Variants in BCL7C observed in about 807,000 individuals in gnomAD.
The protein encoded by BCL7C is BAF chromatin remodeling complex subunit BCL7C, also known as B-cell CLL/lymphoma 7 protein family member C.
Under a neutral mutation model 26.2 loss-of-function variants are expected in BCL7C, and 8 were observed. The observed-to-expected ratio is 0.30, with a 90% CI of 0.18 to 0.55. The LOEUF is 0.55. Among genes scored for constraint, BCL7C ranks in the 20% least tolerant of loss-of-function variants. BCL7C has a pLI of 0.93. For synonymous variants in BCL7C, 90 were observed against 116.5 expected, an observed-to-expected ratio of 0.77 and a Z score of 1.47; for missense variants, 262 against 298.5, an observed-to-expected ratio of 0.88 and a Z score of 0.90.
At chr16:30,873,231 GTTGA>G (rs57107118) in intron 5 of BCL7C, among the ~76,000 whole-genome samples, 111,413 of 151,456 alleles carry the variant, frequency 0.74, 41,495 homozygotes, top group East Asian at 0.91. Flanking sequence ...AGCTCAAGGA[GTTGA>G]TTTTGTTAAA....
downstream of BCL7C, among the ~76,000 whole-genome samples, chr16:30,883,957 CT>C (rs2143112950): frequency 6.6e-6 from 1 of 150,682 alleles, no homozygotes; most frequent in South Asian, 2.1e-4. Context: ...AACCCTGTCT[CT>C]ACTAAAAATA....
In BCL7C at chr16:30,893,423, A is replaced by G. The variant is rs2055289924; in HGVS notation, c.93-133T>C. On this transcript the variant is annotated intron_variant, in intron 1 of 5. Transcript: ENST00000215115. The surrounding 1 kb of genome is among the most constrained non-coding windows in gnomAD (Gnocchi z 5.2). ...ATAGCAACAGTTTTGCTAATGGGGC[A>G]TAGTTACATGGAGGAAGAGAGTCCT... The G allele has an allele frequency of 1.5e-6, 1 of 651,370 alleles. No homozygotes were observed. Among genetic ancestry groups the G allele is most frequent in the Non-Finnish European group, 2.7e-6 (1 of 376,824 alleles). 40.3% of individuals were successfully genotyped at this position (651,370 alleles called of 1,614,324 possible).
At chr16:30,878,948 G>C (rs1279907766) in intron 5 of BCL7C, among the ~76,000 whole-genome samples, 1 of 152,176 alleles carries the variant, frequency 6.6e-6, no homozygotes, top group African/African-American at 2.4e-5. Flanking sequence ...CGTGCTTTCA[G>C]TTGCCAGGCT....
At chr16:30,881,391 G>GTCACAC (rs2055040828) in intron 5 of BCL7C, among the ~76,000 whole-genome samples, 1 of 67,278 alleles carries the variant, frequency 1.5e-5, no homozygotes, top group African/African-American at 3.6e-5. Context: ...GTGAGACTCC[G>GTCACAC]TCACACACAC....
At position 30,879,260 on chromosome 16, in the gene BCL7C, A is replaced by G. The variant is rs2055002115; in HGVS notation, c.528+9600T>C. ...GTTCTGTTTTCCCAGATTTTTGGGG[A>G]GACTGATGCCACAGACTTCGCATTC... On this transcript the variant is annotated intron_variant, in intron 5 of 5. Transcript: ENST00000380317. Among the ~76,000 whole-genome samples the G allele has an allele frequency of 1.3e-5, 2 of 152,028 alleles. 1 individual carries two copies. The highest frequency in any genetic ancestry group is 2.9e-5 in the Non-Finnish European group (2 of 68,014).
chr16:30,838,665 T>G (rs1206471840), intron 5 of BCL7C, among the ~76,000 whole-genome samples: 1 of 152,212 alleles, frequency 6.6e-6, no homozygotes, highest in Non-Finnish European at 1.5e-5. Flanking sequence ...CAGTCACCTG[T>G]AGTCCTAGCT....
chr16:30,839,892 ATAT>A (rs2052576560), intron 5 of BCL7C, among the ~76,000 whole-genome samples: 2 of 152,202 alleles, frequency 1.3e-5, no homozygotes, highest in African/African-American at 4.8e-5. Flanking sequence ...TAGGAAACAA[ATAT>A]TATTTGTTTC....
chr16:30,854,510 G>A (rs1203644589), intron 5 of BCL7C, among the ~76,000 whole-genome samples: 3 of 152,098 alleles, frequency 2.0e-5, no homozygotes, highest in African/African-American at 7.2e-5. Flanking sequence ...GTTCTTCAAA[G>A]CGTTGAAACC....
chr16:30,893,785 G>A lies in BCL7C; in HGVS notation c.92+68C>T. On this transcript the variant is annotated intron_variant, in intron 1 of 5. Transcript: ENST00000215115. This position sits in a 1 kb window ranked among gnomAD's most constrained non-coding sequence, Gnocchi z 5.2. ...CACCCGGGGCCCAGAGCTGGCGAGG[G>A]CAGCGTAGACGCCTTTGGTGCTGGT... is the stretch of plus-strand genomic sequence containing the variant. 7.0e-7 allele frequency: 1 copy of A among 1,426,000 alleles called. No individual in the cohort carries two copies. The highest frequency in any genetic ancestry group is 1.2e-5 in the South Asian group (1 of 86,902). 88.3% of individuals were successfully genotyped at this position (1,426,000 alleles called of 1,614,324 possible).
chr16:30,888,157 G>A (rs1404883350), intron 5 of BCL7C, among the ~76,000 whole-genome samples, 167 bp from the exon 6 acceptor site: 2 of 152,296 alleles, frequency 1.3e-5, no homozygotes, highest in South Asian at 2.1e-4. Context: ...AAACAACAAC[G>A]ACAGTGACAC....
At chr16:30,835,522 T>C (rs1251065611) in intron 5 of BCL7C, among the ~76,000 whole-genome samples, 1 of 152,178 alleles carries the variant, frequency 6.6e-6, no homozygotes, top group African/African-American at 2.4e-5. Flanking sequence ...ATATGTTCAA[T>C]TGGAAAGATC....
chr16:30,853,266 T>C (rs1302655790), intron 5 of BCL7C, among the ~76,000 whole-genome samples: 1 of 152,110 alleles, frequency 6.6e-6, no homozygotes, highest in Non-Finnish European at 1.5e-5. Flanking sequence ...AAGTATATTT[T>C]TCAATATTTT....
intron 5 of BCL7C, among the ~76,000 whole-genome samples, chr16:30,876,547 T>C (rs2054953019): frequency 6.6e-6 from 1 of 152,072 alleles, no homozygotes; most frequent in Admixed American, 6.6e-5. Context: ...AAGACAGAGA[T>C]TATGAGACAG....
chr16:30,854,267 T>G (rs750009436), intron 5 of BCL7C, among the ~76,000 whole-genome samples: 3 of 152,188 alleles, frequency 2.0e-5, no homozygotes, highest in Non-Finnish European at 4.4e-5. Context: ...AGCAAAATCT[T>G]GAAAAATATA....
intron 5 of BCL7C, among the ~76,000 whole-genome samples, chr16:30,866,128 T>C (rs1224585042): frequency 6.7e-6 from 1 of 150,166 alleles, no homozygotes; most frequent in Non-Finnish European, 1.5e-5. Flanking sequence ...CTGGGGAGAG[T>C]GGGAGAGTTA....
At chr16:30,851,192 G>A (rs952429514) in intron 5 of BCL7C, 3 of 301,902 alleles carry the variant, frequency 9.9e-6, no homozygotes, top group East Asian at 2.0e-4. Context: ...GTTGGCAAGA[G>A]GTCAGGTGAA....
intron 5 of BCL7C, among the ~76,000 whole-genome samples, chr16:30,839,105 G>C (rs2054586740): frequency 6.6e-6 from 1 of 152,150 alleles, no homozygotes; most frequent in Non-Finnish European, 1.5e-5. Flanking sequence ...GTAAACAAGA[G>C]GTTTGTATAG....
rs1491523089 is a variant in BCL7C, at chr16:30,881,425, C to CACACACACACACACAA, written c.528+7434_528+7435insTTGTGTGTGTGTGTGT. On this transcript the variant is annotated intron_variant, in intron 5 of 5. Transcript: ENST00000380317. ...ACACACACACACACACACACACACACAACAAAAAATTAGGAACAAAACCTA... is the reference window on the plus strand; with the variant it reads ...ACACACACACACACACACACACACACACACACACACACACAAAACAAAAAATTAGGAACAAAACCTA... Among the ~76,000 whole-genome samples the CACACACACACACACAA allele has an allele frequency of 2.4e-4, 34 of 143,040 alleles. 1 individual carries two copies. The South Asian group carries it at 5.2e-3, about 22-fold the overall frequency. 93.8% of individuals were successfully genotyped at this position (143,040 alleles called of 152,430 possible). A position where few individuals can be genotyped will look rare whatever the true frequency, so the allele number is the denominator to read the frequency against.
intron 5 of BCL7C, among the ~76,000 whole-genome samples, chr16:30,861,027 G>A (rs1329137228): frequency 6.6e-6 from 1 of 152,140 alleles, no homozygotes; most frequent in Non-Finnish European, 1.5e-5. Flanking sequence ...GGTGGCTGGA[G>A]CTGAAGGTAG....
Sources: allele counts gnomAD v4.1 joint callset (sites outside exome capture counted in the v4.1 genomes callset), GRCh38; gene constraint gnomAD v4.1.1; non-coding constraint Gnocchi (gnomAD v3.1); transcripts MANE v1.5; gene names NCBI Gene and HGNC (gene_info 2026-07-23, HGNC 2026-07-21).